AGBL1: variants seen among roughly 807,000 people sequenced by gnomAD.
AGBL1 encodes the protein AGBL carboxypeptidase 1.
A neutral mutation model predicts 118.9 loss-of-function variants in AGBL1; 130 were observed. That is an observed-to-expected ratio of 1.09 (90% CI 0.95 to 1.26). The LOEUF is 1.26. AGBL1 is among the 50% of genes most tolerant of loss of function. AGBL1 has a pLI of 0.00. For synonymous variants in AGBL1, 555 were observed against 478.9 expected, an observed-to-expected ratio of 1.16 and a Z score of -2.08; for missense variants, 1,584 against 1,298.1, an observed-to-expected ratio of 1.22 and a Z score of -3.38.
At chr15:86,480,899 T>A (rs1303379025) in intron 18 of AGBL1, among the ~76,000 whole-genome samples, 1 of 152,006 alleles carries the variant, frequency 6.6e-6, no homozygotes, top group African/African-American at 2.4e-5. Flanking sequence ...CTAGGAAGTA[T>A]GTGAAGGGTT....
chr15:86,862,064 C>A (rs374090339), intron 22 of AGBL1, among the ~76,000 whole-genome samples: 7 of 152,150 alleles, frequency 4.6e-5, no homozygotes, highest in East Asian at 1.9e-4. Context: ...AAGCTACCAA[C>A]CTCTATAGCA....
intron 18 of AGBL1, among the ~76,000 whole-genome samples, chr15:86,432,477 T>A (rs894058856): frequency 3.3e-5 from 5 of 152,228 alleles, no homozygotes; most frequent in African/African-American, 1.2e-4. Flanking sequence ...TAGTGTGTAT[T>A]TTTGGGAAGA....
At chr15:86,984,289 A>C (rs900301272) in intron 23 of AGBL1, among the ~76,000 whole-genome samples, 1 of 151,416 alleles carries the variant, frequency 6.6e-6, no homozygotes, top group African/African-American at 2.4e-5. Context: ...TCATTCGTAG[A>C]TCTTCTTGGA....
At chr15:86,093,717 C>G (rs1288719449) in intron 1 of AGBL1, among the ~76,000 whole-genome samples, 2 of 152,070 alleles carry the variant, frequency 1.3e-5, no homozygotes, top group Non-Finnish European at 2.9e-5. Flanking sequence ...AGAGACTATA[C>G]AGAAGGAAGC....
intron 21 of AGBL1, among the ~76,000 whole-genome samples, chr15:86,585,729 C>T (rs1253036720): frequency 6.6e-6 from 1 of 152,070 alleles, no homozygotes; most frequent in Non-Finnish European, 1.5e-5. Flanking sequence ...AAAAATGGTT[C>T]AAGGAGTCCA....
chr15:86,609,565 A>G (rs1167920511), intron 21 of AGBL1, among the ~76,000 whole-genome samples: 1 of 152,156 alleles, frequency 6.6e-6, no homozygotes, highest in Non-Finnish European at 1.5e-5. Context: ...GTTTTAGTCG[A>G]TCCAGGTTAT....
intron 5 of AGBL1, among the ~76,000 whole-genome samples, chr15:86,162,742 C>T (rs759256125): frequency 6.6e-6 from 1 of 152,334 alleles, no homozygotes; most frequent in East Asian, 1.9e-4. Context: ...TGTGCCTCAG[C>T]TTCCCTTTCC....
intron 23 of AGBL1, among the ~76,000 whole-genome samples, chr15:86,931,566 T>TTGCTGCTGCTGCTGCTGCTGCTGC (rs59067780): frequency 3.6e-4 from 54 of 150,524 alleles, no homozygotes; most frequent in Admixed American, 1.3e-3. Flanking sequence ...AGTGGTGCTT[T>TTGCTGCTGCTGCTGCTGCTGCTGC]TGCTGCTGCT....
chr15:86,643,523 C>T (rs987370117), intron 21 of AGBL1, among the ~76,000 whole-genome samples: 7 of 151,970 alleles, frequency 4.6e-5, no homozygotes, highest in Admixed American at 2.0e-4. Context: ...ATTAGCTTGT[C>T]GCTAACTTCT....
At chr15:86,870,246 T>G (rs757261616) in intron 22 of AGBL1, among the ~76,000 whole-genome samples, 1 of 151,844 alleles carries the variant, frequency 6.6e-6, no homozygotes, top group Non-Finnish European at 1.5e-5. Flanking sequence ...CTAAGAGAAA[T>G]ACTTTATCTC....
At chr15:86,580,782 G>T (rs956795200) in intron 21 of AGBL1, among the ~76,000 whole-genome samples, 1 of 152,104 alleles carries the variant, frequency 6.6e-6, no homozygotes, top group Admixed American at 6.6e-5. Context: ...ACCCTATAGT[G>T]CTATGGAACA....
chr15:86,817,561 GAGAGAA>G (rs2078880001), intron 22 of AGBL1, among the ~76,000 whole-genome samples: 1 of 96,688 alleles, frequency 1.0e-5, no homozygotes, highest in Non-Finnish European at 2.2e-5. Context: ...ACAGAGGAGA[GAGAGAA>G]AGAGACAGAC....
intron 22 of AGBL1, among the ~76,000 whole-genome samples, chr15:86,859,993 A>G (rs2079538502): frequency 6.6e-6 from 1 of 152,206 alleles, no homozygotes; most frequent in Admixed American, 6.5e-5. Flanking sequence ...CTAGTTGAAC[A>G]TGTTCAGGCA....
At chr15:86,651,642 T>C (rs2085372551) in intron 21 of AGBL1, among the ~76,000 whole-genome samples, 1 of 152,226 alleles carries the variant, frequency 6.6e-6, no homozygotes, top group African/African-American at 2.4e-5. Flanking sequence ...ACGGTGTTCC[T>C]GTTTTCCCAC....
intron 23 of AGBL1, among the ~76,000 whole-genome samples, chr15:86,934,094 A>G (rs1354922580): frequency 2.6e-5 from 4 of 152,202 alleles, no homozygotes; most frequent in Non-Finnish European, 5.9e-5. Context: ...TACTTTTAAT[A>G]GAGTGTTTTT....
At chr15:86,457,540 G>A (rs1378308714) in intron 18 of AGBL1, among the ~76,000 whole-genome samples, 1 of 152,126 alleles carries the variant, frequency 6.6e-6, no homozygotes, top group South Asian at 2.1e-4. Context: ...TTAGAGTCAG[G>A]AAAGTATGAT....
chr15:86,900,330 C>A (rs941119992), intron 22 of AGBL1, among the ~76,000 whole-genome samples: 1 of 152,140 alleles, frequency 6.6e-6, no homozygotes, highest in African/African-American at 2.4e-5. Flanking sequence ...CTGACTAATA[C>A]ACGTATGTTT....
At chr15:86,715,386 C>G (rs776755311) in intron 22 of AGBL1, among the ~76,000 whole-genome samples, 1 of 152,194 alleles carries the variant, frequency 6.6e-6, no homozygotes, top group Non-Finnish European at 1.5e-5. Context: ...CACACAGCTA[C>G]AATCTATGGT....
At chr15:86,970,259 T>G (rs564462615) in intron 23 of AGBL1, among the ~76,000 whole-genome samples, 1 of 152,052 alleles carries the variant, frequency 6.6e-6, no homozygotes, top group South Asian at 2.1e-4. Context: ...AACCCCAATT[T>G]CAATACAGGA....
Sources: gnomAD v4.1 joint callset for allele counts (sites outside exome capture counted in the v4.1 genomes callset) on GRCh38, gnomAD v4.1.1 for gene constraint, MANE v1.5 for transcripts, NCBI Gene and HGNC (gene_info 2026-07-23, HGNC 2026-07-21) for gene names.